Variants in GRM7 observed in about 807,000 individuals in gnomAD.
GRM7 encodes glutamate metabotropic receptor 7.
In GRM7, 35 loss-of-function variants were observed where a neutral mutation model predicts 84.5. The ratio of observed to expected loss-of-function variants is 0.41; its 90% CI spans 0.32 to 0.55. GRM7 has a LOEUF of 0.55. GRM7 is among the 20% of genes least tolerant of loss of function. The probability of loss-of-function intolerance (pLI) is 0.19; values close to 1 mark genes in which losing one functional copy is unlikely to be tolerated. For missense variants in GRM7, 1,003 were observed against 1,194.6 expected, an observed-to-expected ratio of 0.84 and a Z score of 2.36; for synonymous variants, 487 against 455.1, an observed-to-expected ratio of 1.07 and a Z score of -0.89.
chr3:7,473,724 G>C (rs569360659), intron 7 of GRM7, among the ~76,000 whole-genome samples: 1 of 152,220 alleles, frequency 6.6e-6, no homozygotes, highest in Non-Finnish European at 1.5e-5. Context: ...GTTGTTTTGA[G>C]TAAACCATTG....
At chr3:6,960,019 TC>T (rs1693228919) in intron 1 of GRM7, among the ~76,000 whole-genome samples, 1 of 152,220 alleles carries the variant, frequency 6.6e-6, no homozygotes, top group South Asian at 2.1e-4. Flanking sequence ...TTAGGAAGTT[TC>T]TGCTTATATC....
chr3:7,663,234 G>GA (rs1334651013), intron 8 of GRM7, among the ~76,000 whole-genome samples: 9 of 152,128 alleles, frequency 5.9e-5, no homozygotes, highest in Admixed American at 5.9e-4. Flanking sequence ...GTTGGGCTGG[G>GA]ATGCAGACTC....
intron 1 of GRM7, among the ~76,000 whole-genome samples, chr3:6,894,627 T>G (rs562032576): frequency 2.0e-5 from 3 of 152,254 alleles, no homozygotes; most frequent in African/African-American, 7.2e-5. Context: ...TACACACATG[T>G]GCACACATAT....
intron 4 of GRM7, among the ~76,000 whole-genome samples, chr3:7,367,658 A>G (rs980042151): frequency 6.6e-6 from 1 of 151,926 alleles, no homozygotes; most frequent in African/African-American, 2.4e-5. Flanking sequence ...TTCTTCCAAT[A>G]TCTTATTAAG....
chr3:7,051,913 G>A (rs1040483368), intron 1 of GRM7, among the ~76,000 whole-genome samples: 2 of 151,660 alleles, frequency 1.3e-5, no homozygotes, highest in South Asian at 2.1e-4. Context: ...ACTAAATAAA[G>A]CTAATCTAAT....
At chr3:7,483,613 C>T (rs1419169813) in intron 7 of GRM7, among the ~76,000 whole-genome samples, 1 of 152,032 alleles carries the variant, frequency 6.6e-6, no homozygotes, top group African/African-American at 2.4e-5. Context: ...AATAGAAAGC[C>T]GTGTAGTGAT....
Position 7,414,428 on chromosome 3 carries a change from C to T in GRM7, c.1034-595C>T, listed in dbSNP as rs553066668. On this transcript the variant is annotated intron_variant, in intron 4 of 9. Transcript: ENST00000357716. Reference sequence around the variant, plus strand: ...GCCTAGGCCTTGGGACACTGAATCCCGTATCTTTTTCCACTCTGACTCTCT... The same window carrying T: ...GCCTAGGCCTTGGGACACTGAATCCTGTATCTTTTTCCACTCTGACTCTCT... Among the ~76,000 whole-genome samples, 9 of 152,100 alleles carry T rather than the reference C, an allele frequency of 5.9e-5. No homozygotes were observed. In the East Asian group the frequency reaches 1.7e-3, roughly 30 times the overall value.
At chr3:7,243,783 C>T (rs1053177966) in intron 2 of GRM7, among the ~76,000 whole-genome samples, 3 of 152,112 alleles carry the variant, frequency 2.0e-5, no homozygotes, top group African/African-American at 4.8e-5. Context: ...CCCTAGATGA[C>T]ATGCCTACTA....
At chr3:7,196,301 C>T (rs901786810) in intron 2 of GRM7, among the ~76,000 whole-genome samples, 2 of 152,118 alleles carry the variant, frequency 1.3e-5, no homozygotes, top group African/African-American at 4.8e-5. Context: ...ACTCAAAGTC[C>T]ACCCATTTAA....
At chr3:6,864,780 A>G (rs1023227487) in intron 1 of GRM7, among the ~76,000 whole-genome samples, 1 of 152,206 alleles carries the variant, frequency 6.6e-6, no homozygotes, top group Non-Finnish European at 1.5e-5. Flanking sequence ...GAGAAATGAG[A>G]TGGTAACAGA....
chr3:6,933,674 T>C (rs1697585698), intron 1 of GRM7, among the ~76,000 whole-genome samples: 1 of 151,980 alleles, frequency 6.6e-6, no homozygotes, highest in South Asian at 2.1e-4. Flanking sequence ...AGATCAGTTA[T>C]GTGCCTAATA....
At chr3:7,298,911 G>T in intron 3 of GRM7, 86 bp downstream of exon 3, 1 of 1,180,858 alleles carries the variant, frequency 8.5e-7, no homozygotes, top group Admixed American at 1.8e-5. Flanking sequence ...GACAGGAAAA[G>T]ATAGCATAAG....
chr3:7,134,466 A>G (rs546753988), intron 1 of GRM7, among the ~76,000 whole-genome samples: 2 of 151,948 alleles, frequency 1.3e-5, no homozygotes, highest in South Asian at 4.1e-4. Flanking sequence ...ATCAGTAACC[A>G]TAGACTTATA....
chr3:6,892,617 A>C (rs530623754), intron 1 of GRM7: 2 of 152,268 alleles, frequency 1.3e-5, no homozygotes, highest in South Asian at 4.1e-4. Flanking sequence ...AAAAAGAAGG[A>C]AGAATTGGAG....
rs966847495 is a variant in GRM7 at position 7,254,375 on chromosome 3, A to G, written c.737-44309A>G. ...TTGCTCCAGAAAGGCAGAGAACTTT[A>G]TCTCTCCTGTTTACTGAACACTCAG... On this transcript the variant is annotated intron_variant, in intron 2 of 9. Coordinates refer to ENST00000357716, the MANE Select transcript of GRM7 (RefSeq NM_000844.4). 4.6e-5 allele frequency among the ~76,000 whole-genome samples: 7 copies of G among 152,352 alleles called. No individual in the cohort carries two copies. The South Asian group carries it at 1.4e-3, about 32-fold the overall frequency.
At chr3:7,452,557 T>G in intron 5 of GRM7, 50 bp from the exon 6 acceptor site, 1 of 1,139,316 alleles carries the variant, frequency 8.8e-7, no homozygotes, top group Non-Finnish European at 1.3e-6. Context: ...TCAATGCCAA[T>G]TTGTGTGTGT....
At chr3:7,371,084 T>G (rs1224681256) in intron 4 of GRM7, among the ~76,000 whole-genome samples, 2 of 152,196 alleles carry the variant, frequency 1.3e-5, no homozygotes, top group Non-Finnish European at 1.5e-5. Context: ...GAATGTTCAG[T>G]GGAATCTACT....
intron 4 of GRM7, among the ~76,000 whole-genome samples, chr3:7,354,484 T>C (rs1250439971): frequency 6.6e-6 from 1 of 152,084 alleles, no homozygotes; most frequent in Non-Finnish European, 1.5e-5. Flanking sequence ...GTGAGGGATG[T>C]TATAATGGAA....
chr3:7,245,750 A>G (rs1429618717), intron 2 of GRM7, among the ~76,000 whole-genome samples: 2 of 152,060 alleles, frequency 1.3e-5, no homozygotes, highest in African/African-American at 4.8e-5. Context: ...GAGTTTGGAA[A>G]TATAAGTATA....
Sources: gnomAD v4.1 joint callset for allele counts (sites outside exome capture counted in the v4.1 genomes callset) on GRCh38, gnomAD v4.1.1 for gene constraint, MANE v1.5 for transcripts, NCBI Gene and HGNC (gene_info 2026-07-23, HGNC 2026-07-21) for gene names.